Variants in BCLAF3 observed in about 807,000 individuals in gnomAD.
BCLAF3 encodes the protein BCLAF1 and THRAP3 family member 3.
In BCLAF3, 24 loss-of-function variants were observed where a neutral mutation model predicts 51.2. The ratio of observed to expected loss-of-function variants is 0.47; its 90% CI spans 0.34 to 0.66. BCLAF3 has a LOEUF of 0.66. Among genes scored for constraint, BCLAF3 ranks in the 30% least tolerant of loss-of-function variants. The pLI, the probability that BCLAF3 is intolerant of heterozygous loss-of-function variation, is 0.01. For synonymous variants in BCLAF3, 152 were observed against 176.6 expected (o/e 0.86, Z 1.10); for missense variants, 465 against 525.1 (o/e 0.89, Z 1.12).
intron 10 of BCLAF3, among the ~76,000 whole-genome samples, chrX:19,933,664 C>T (rs945427006): frequency 6.9e-4 from 78 of 112,591 alleles, no homozygotes; most frequent in African/African-American, 2.5e-3. Context: ...CAGAGCTAAT[C>T]TTGAGACTGA....
At position 19,937,499 on chromosome X, in the gene BCLAF3, C is replaced by A. The variant is rs745893810; in HGVS notation, c.1779G>T (p.Lys593Asn). 3 of 1,155,795 alleles carry A rather than the reference C, an allele frequency of 2.6e-6. No homozygotes were observed. In the Admixed American group the frequency reaches 7.1e-5, roughly 27 times the overall value. The change falls in exon 9 of 12, where the codon AAG becomes AAT. Residue 593 changes from lysine (K) to asparagine (N), a missense_variant. Physicochemically the swap from Lys to Asn is moderately conservative, Grantham distance 94. Coordinates refer to ENST00000379682, the MANE Select transcript of BCLAF3 (RefSeq NM_001367774.2). ...TTTGGAATCCATCAGTATGAACATT[C>A]TTTACCTTTGAAAAACTGGAATTCT... is the stretch of plus-strand genomic sequence containing the variant. ...DDQNSSFSKV[K>N]NVHTDGFQKP...
Position 19,953,022 on chromosome X carries a change from T to C in BCLAF3, c.1595A>G (p.Gln532Arg). ...RRIDMSLAELQSKQAVIYESE... is the reference protein window; with the variant it reads ...RRIDMSLAELRSKQAVIYESE... ...TTCATAGATCACAGCTTGTTTACTC[T>C]GAAGCTCGGCCAAAGACATATCTAT... Residue 532 changes from glutamine (Q) to arginine (R), a missense_variant, in exon 7 of 12, where the codon CAG becomes CGG. Transcript: ENST00000379682. The C allele has an allele frequency of 8.3e-7, 1 of 1,208,515 alleles. No homozygotes were observed. Among genetic ancestry groups the C allele is most frequent in the South Asian group, 1.8e-5 (1 of 56,546 alleles).
intron 1 of BCLAF3, chrX:19,985,261 A>G (rs1471391425): frequency 9.0e-6 from 1 of 111,534 alleles, no homozygotes; most frequent in African/African-American, 3.3e-5. Context: ...AAAATAAGTA[A>G]ATTTTATTCC....
rs987497384 is a variant in BCLAF3 at position 19,928,716 on chromosome X, A to G, written c.2106+1069T>C. ...GGCTGAATGGATAAAGAAAATGCAT[A>G]TATATACAATGGAATACCATTCAGC... On this transcript the variant is annotated intron_variant, in intron 11 of 11. Transcript: ENST00000379682. 2.7e-5 allele frequency among the ~76,000 whole-genome samples: 3 copies of G among 112,321 alleles called. No individual in the cohort carries two copies. The East Asian group carries it at 8.3e-4, about 31-fold the overall frequency.
At chrX:19,935,059 C>T (rs959349742) in intron 10 of BCLAF3, among the ~76,000 whole-genome samples, 3 of 110,009 alleles carry the variant, frequency 2.7e-5, no homozygotes, top group Non-Finnish European at 5.7e-5. Context: ...TGGCACACGC[C>T]TGTAATCCCA....
chrX:19,923,848 T>TA (rs1199388675), intron 11 of BCLAF3, among the ~76,000 whole-genome samples: 7 of 84,163 alleles, frequency 8.3e-5, no homozygotes, highest in African/African-American at 3.2e-4. Context: ...TTTATTTATT[T>TA]TTTTTTTTTT....
At chrX:19,967,045 A>G (rs967293358) in intron 2 of BCLAF3, among the ~76,000 whole-genome samples, 3 of 111,565 alleles carry the variant, frequency 2.7e-5, no homozygotes, top group Non-Finnish European at 5.6e-5. Context: ...AAGGCCAGGT[A>G]AGAAACAAGC....
chrX:19,919,856 C>CAA (rs763184612), intron 11 of BCLAF3, among the ~76,000 whole-genome samples: 243 of 31,566 alleles, frequency 7.7e-3, no homozygotes, highest in Non-Finnish European at 9.1e-3. Flanking sequence ...GACTTCGTCT[C>CAA]AAAAAAAAAA....
In BCLAF3 at chrX:19,958,602, T is replaced by A. The variant is rs971779597; in HGVS notation, c.1275-3036A>T. 3.6e-5 allele frequency among the ~76,000 whole-genome samples: 4 copies of A among 112,237 alleles called. No homozygotes were observed. In the Admixed American group the frequency reaches 3.8e-4, roughly 11 times the overall value. ...TATGTTTAGATACACGAATAGTTAC[T>A]GATGTGTTACAATTGCCTACAGTAT... On this transcript the variant is annotated intron_variant, in intron 4 of 11. Transcript: ENST00000379682.
At chrX:19,949,376 A>C (rs2071403893) in intron 8 of BCLAF3, among the ~76,000 whole-genome samples, 1 of 112,505 alleles carries the variant, frequency 8.9e-6, no homozygotes, top group Admixed American at 9.4e-5. Context: ...CCAGTGCTCA[A>C]GTTCTTAATC....
chrX:19,922,555 T>C (rs1021574679), intron 11 of BCLAF3, among the ~76,000 whole-genome samples: 2 of 111,613 alleles, frequency 1.8e-5, no homozygotes, highest in Admixed American at 9.5e-5. Context: ...TCTAATAACA[T>C]TATGCACCAA....
At position 19,917,230 on chromosome X, in the gene BCLAF3, C is replaced by T; in HGVS notation, c.*75G>A. 1.0e-6 allele frequency: 1 copy of T among 980,015 alleles called. No homozygotes were observed. Among genetic ancestry groups the T allele is most frequent in the Non-Finnish European group, 1.5e-6 (1 of 687,663 alleles). 80.8% of individuals were successfully genotyped at this position (980,015 alleles called of 1,213,427 possible). Reference sequence around the variant, plus strand: ...CAGTATTAGTGCCTTAGTGTCACTTCTAACTCCTGACAAAAAGAGAGAGAT... The same window carrying T: ...CAGTATTAGTGCCTTAGTGTCACTTTTAACTCCTGACAAAAAGAGAGAGAT... On this transcript the variant is annotated 3_prime_UTR_variant, in exon 12 of 12. Transcript: ENST00000379682.
At chrX:19,963,734 C>G (rs746494014) in intron 4 of BCLAF3, among the ~76,000 whole-genome samples, 1 of 111,715 alleles carries the variant, frequency 9.0e-6, no homozygotes, top group Non-Finnish European at 1.9e-5. Flanking sequence ...AGGAACAGGG[C>G]CAGGTACAGT....
chrX:19,981,969 CTA>C (rs1198358871), intron 1 of BCLAF3, among the ~76,000 whole-genome samples: 1 of 111,150 alleles, frequency 9.0e-6, no homozygotes, highest in Non-Finnish European at 1.9e-5. Context: ...TTGCACAACT[CTA>C]TGAATATACT....
intron 1 of BCLAF3, among the ~76,000 whole-genome samples, chrX:19,979,435 T>C (rs2072539366): frequency 9.0e-6 from 1 of 111,210 alleles, no homozygotes. Flanking sequence ...TAAATTAAGG[T>C]ATGTATTGTT....
intron 1 of BCLAF3, among the ~76,000 whole-genome samples, chrX:19,986,883 A>G (rs2072817901): frequency 9.4e-6 from 1 of 105,824 alleles, no homozygotes; most frequent in Non-Finnish European, 1.9e-5. Flanking sequence ...AGCTCACTGC[A>G]GCCTTGAACT....
chrX:19,922,917 G>T (rs902089137), intron 11 of BCLAF3, among the ~76,000 whole-genome samples: 1 of 110,126 alleles, frequency 9.1e-6, no homozygotes, highest in African/African-American at 3.3e-5. Flanking sequence ...ATTATATGGA[G>T]AAAGTGGAAT....
At position 19,929,786 on chromosome X, in the gene BCLAF3, T is replaced by C; in HGVS notation, c.2105A>G (p.Lys702Arg). 1 of 1,194,623 alleles carries C rather than the reference T, an allele frequency of 8.4e-7. No homozygotes were observed. Among genetic ancestry groups the C allele is most frequent in the East Asian group, 3.0e-5 (1 of 33,477 alleles). ...TTAAATCATTTTAATTCAACTAACC[T>C]TCTTTTTTCTCATTAATCTTTCTCT... ...KFRERLMRKK[K>R]EYTDVATGI Residue 702 changes from lysine to arginine, a missense_variant and splice_region_variant, in exon 11 of 12, where the codon AAG becomes AGG. Transcript: ENST00000379682.
chrX:19,958,867 G>C (rs1310555239), intron 4 of BCLAF3, among the ~76,000 whole-genome samples: 1 of 112,474 alleles, frequency 8.9e-6, no homozygotes. Context: ...CTGTGGAGTT[G>C]ATGGAAAAAG....
Sources: allele counts gnomAD v4.1 joint callset (sites outside exome capture counted in the v4.1 genomes callset), GRCh38; gene constraint gnomAD v4.1.1; transcripts MANE v1.5; gene names NCBI Gene and HGNC (gene_info 2026-07-23, HGNC 2026-07-21).